The following MTMR3 variants were observed in gnomAD, a reference collection of about 807,000 sequenced individuals.
MTMR3 encodes the protein myotubularin related protein 3.
In MTMR3, 32 loss-of-function variants were observed where a neutral mutation model predicts 132.4. The observed-to-expected ratio is 0.24, with a 90% CI of 0.18 to 0.32. MTMR3 has a LOEUF of 0.32. Among genes scored for constraint, MTMR3 ranks in the 10% least tolerant of loss-of-function variants. The pLI is 1.00. For missense variants in MTMR3, 1,216 were observed against 1,489.6 expected (o/e 0.82, Z 3.02); for synonymous variants, 556 against 550.3 (o/e 1.01, Z -0.14).
chr22:29,922,978 G>A (rs2065446622), intron 1 of MTMR3, among the ~76,000 whole-genome samples: 1 of 149,742 alleles, frequency 6.7e-6, no homozygotes, highest in Non-Finnish European at 1.5e-5. Context: ...AGGCTCAATC[G>A]GTTCTCCCAC....
intron 1 of MTMR3, among the ~76,000 whole-genome samples, chr22:29,920,911 CTT>C (rs1023839057): frequency 3.3e-5 from 4 of 121,216 alleles, no homozygotes; most frequent in African/African-American, 1.3e-4. Flanking sequence ...ATTCTAAAGA[CTT>C]TTAAAAAGCT....
chr22:29,999,043 A>C, intron 8 of MTMR3, 186 bp downstream of exon 8: 1 of 420,046 alleles, frequency 2.4e-6, no homozygotes, highest in Non-Finnish European at 4.2e-6. Flanking sequence ...TTGGAGTGGA[A>C]AGTGATCCTT....
chr22:29,983,441 A>G (rs2066793954), intron 5 of MTMR3: 1 of 151,684 alleles, frequency 6.6e-6, no homozygotes, highest in African/African-American at 2.4e-5. Context: ...TCAGCCTCCC[A>G]AAGTGTTGGA....
chr22:29,998,681 A>G lies in MTMR3; in HGVS notation c.461-80A>G, dbSNP rs1169801426. On this transcript the variant is annotated intron_variant, in intron 7 of 19. Coordinates refer to ENST00000401950, the MANE Select transcript of MTMR3 (RefSeq NM_021090.4). ...ATATTTACATATATGTAACATATGT[A>G]TATTTCTTTGTTTTTATTCCACCTG... 12 of 818,254 alleles carry G rather than the reference A, an allele frequency of 1.5e-5. No individual in the cohort carries two copies. In the Admixed American group the frequency reaches 2.1e-4, roughly 15 times the overall value. 50.7% of individuals were successfully genotyped at this position (818,254 alleles called of 1,614,324 possible). A position where few individuals can be genotyped will look rare whatever the true frequency, so the allele number is the denominator to read the frequency against.
intron 1 of MTMR3, among the ~76,000 whole-genome samples, chr22:29,922,193 A>G (rs2065430383): frequency 6.6e-6 from 1 of 151,870 alleles, no homozygotes; most frequent in African/African-American, 2.4e-5. Context: ...TGCCCAGCTA[A>G]TTTTTAGTAG....
At chr22:29,938,455 C>T (rs1323435541) in intron 1 of MTMR3, among the ~76,000 whole-genome samples, 2 of 152,260 alleles carry the variant, frequency 1.3e-5, no homozygotes, top group African/African-American at 2.4e-5. Context: ...GGTCTCACTG[C>T]TCTTTGGGGA....
intron 1 of MTMR3, among the ~76,000 whole-genome samples, chr22:29,922,453 T>C (rs2065436045): frequency 6.6e-6 from 1 of 152,218 alleles, no homozygotes; most frequent in Non-Finnish European, 1.5e-5. Context: ...CCTATGAATG[T>C]TGGTGTACAA....
rs2074204 is a variant in MTMR3 at position 30,008,007 on chromosome 22, C to T, written c.984C>T (p.Ala328=). The T allele has an allele frequency of 0.27, 427,498 of 1,612,500 alleles. 59,645 individuals are homozygous for T. Among genetic ancestry groups the T allele is most frequent in the African/African-American group, 0.5 (37,148 of 74,836 alleles). The change falls in exon 11 of 20, where the codon GCC becomes GCT. Residue 328 remains alanine, a synonymous_variant. Transcript: ENST00000401950. ...RSYAAAVANR[A]KGGGCECPEY... ...ATGCAGCTGCTGTGGCAAACCGAGC[C>T]AAAGGAGGAGGCTGCGAATGCCCAG...
chr22:29,930,812 G>A (rs36589), intron 1 of MTMR3, among the ~76,000 whole-genome samples: 11,827 of 152,078 alleles, frequency 0.078, 533 homozygotes, highest in African/African-American at 0.092. Context: ...ACCAGCATGG[G>A]CAACATAGTG....
intron 1 of MTMR3, among the ~76,000 whole-genome samples, chr22:29,955,979 T>G (rs2035933205): frequency 6.6e-6 from 1 of 152,092 alleles, no homozygotes; most frequent in Non-Finnish European, 1.5e-5. Context: ...CTTGAACTCT[T>G]GACCTCAGGT....
chr22:29,931,797 T>TTC (rs56147811), intron 1 of MTMR3, among the ~76,000 whole-genome samples: 1 of 151,012 alleles, frequency 6.6e-6, no homozygotes, highest in Non-Finnish European at 1.5e-5. Context: ...TTTTTTTTTT[T>TTC]AAAGCAGATT....
At chr22:29,947,766 G>A (rs1294962211) in intron 1 of MTMR3, among the ~76,000 whole-genome samples, 1 of 152,072 alleles carries the variant, frequency 6.6e-6, no homozygotes, top group Admixed American at 6.5e-5. Context: ...TTTTCTTCCT[G>A]TATGTATTTG....
At chr22:29,899,864 C>T (rs761611855) in intron 1 of MTMR3, among the ~76,000 whole-genome samples, 11 of 152,140 alleles carry the variant, frequency 7.2e-5, no homozygotes, top group Non-Finnish European at 1.5e-4. Flanking sequence ...TGAGAATCAT[C>T]GAGTAGTAGA....
intron 14 of MTMR3, 22 bp from the exon 15 acceptor site, chr22:30,016,506 G>A (rs769270562): frequency 6.2e-7 from 1 of 1,610,900 alleles, no homozygotes; most frequent in Non-Finnish European, 8.5e-7. Flanking sequence ...TGCTTAATTT[G>A]TGCTTCATTG....
At chr22:29,996,334 A>G (rs1444468514) in intron 7 of MTMR3, 2 of 152,214 alleles carry the variant, frequency 1.3e-5, no homozygotes, top group African/African-American at 4.8e-5. Context: ...ATTTCTGCGT[A>G]TAGCTCAGAA....
intron 1 of MTMR3, among the ~76,000 whole-genome samples, chr22:29,928,257 C>T (rs2065565374): frequency 6.7e-6 from 1 of 150,274 alleles, no homozygotes. Flanking sequence ...TCACTGCCGC[C>T]TCCGCCTCCT....
At chr22:29,966,175 T>C (rs999771502) in intron 2 of MTMR3, among the ~76,000 whole-genome samples, 1 of 152,196 alleles carries the variant, frequency 6.6e-6, no homozygotes, top group African/African-American at 2.4e-5. Context: ...TATATAACTT[T>C]ATGTATTTTA....
chr22:29,893,956 G>A (rs1043199663), intron 1 of MTMR3, among the ~76,000 whole-genome samples: 1 of 151,936 alleles, frequency 6.6e-6, no homozygotes, highest in African/African-American at 2.4e-5. Context: ...AGCCATTCTC[G>A]TGTCTCAGCC....
At position 30,027,031 on chromosome 22, in the gene MTMR3, G is replaced by C. The variant is rs969194837; in HGVS notation, c.*1230G>C. The stretch of plus-strand genomic sequence containing the variant: ...AGTGACATGGCCTTGAGGAGATTCA[G>C]GGCACCTTTCCTCAGTGAGCTTTGA... On this transcript the variant is annotated 3_prime_UTR_variant, in exon 20 of 20. Coordinates refer to ENST00000401950, the MANE Select transcript of MTMR3 (RefSeq NM_021090.4). The C allele has an allele frequency of 1.3e-5, 2 of 152,730 alleles. No individual in the cohort carries two copies. The highest frequency in any genetic ancestry group is 4.8e-5 in the African/African-American group (2 of 41,422). The allele number at this position is 152,730 out of a possible 1,614,324, so 9.5% of individuals were successfully genotyped here.
Sources: allele counts gnomAD v4.1 joint callset (sites outside exome capture counted in the v4.1 genomes callset), GRCh38; gene constraint gnomAD v4.1.1; transcripts MANE v1.5; gene names NCBI Gene and HGNC (gene_info 2026-07-23, HGNC 2026-07-21).